The following SCHIP1 variants were observed in gnomAD, a reference collection of about 807,000 sequenced individuals.
SCHIP1 encodes the protein schwannomin-interacting protein 1.
Under a neutral mutation model 29.7 loss-of-function variants are expected in SCHIP1, and 8 were observed. The ratio of observed to expected loss-of-function variants is 0.27; its 90% CI spans 0.16 to 0.49. The LOEUF is 0.49. Ranked by LOEUF, SCHIP1 falls within the 20% of genes least tolerant of loss-of-function variation. The probability of loss-of-function intolerance (pLI) is 0.99; values close to 1 mark genes in which losing one functional copy is unlikely to be tolerated. For missense variants in SCHIP1, 193 were observed against 294.6 expected (o/e 0.66, Z 2.52); for synonymous variants, 76 against 94.9 (o/e 0.80, Z 1.16).
intron 2 of SCHIP1, among the ~76,000 whole-genome samples, chr3:159,878,702 C>T (rs1347555537): frequency 3.4e-5 from 5 of 148,174 alleles, no homozygotes; most frequent in South Asian, 4.2e-4. Flanking sequence ...GGCATGAACC[C>T]GGGAGGCGGA....
At chr3:159,341,874 G>T in the SCHIP1 span, among the ~76,000 whole-genome samples, 1 of 152,048 alleles carries the variant, frequency 6.6e-6, no homozygotes, top group Non-Finnish European at 1.5e-5. Context: ...ACCTAAAAAT[G>T]ACATTTTGAT....
chr3:159,652,660 AG>A, the SCHIP1 span, among the ~76,000 whole-genome samples: 1 of 152,140 alleles, frequency 6.6e-6, no homozygotes, highest in East Asian at 1.9e-4. Context: ...ATGGGTGGGG[AG>A]GGGTGTGCAA....
chr3:159,284,074 C>T, the SCHIP1 span, among the ~76,000 whole-genome samples: 1 of 152,116 alleles, frequency 6.6e-6, no homozygotes, highest in Non-Finnish European at 1.5e-5. Context: ...AAATGAAAAG[C>T]TTCCTAGATT....
the SCHIP1 span, among the ~76,000 whole-genome samples, chr3:159,701,462 A>G: frequency 6.6e-6 from 1 of 152,162 alleles, no homozygotes; most frequent in Non-Finnish European, 1.5e-5. Flanking sequence ...TTTAACTGCT[A>G]ATTTGATATT....
chr3:159,767,274 G>T, the SCHIP1 span, among the ~76,000 whole-genome samples: 321 of 152,308 alleles, frequency 2.1e-3, no homozygotes, highest in Non-Finnish European at 2.4e-3. Context: ...GTATGATAGT[G>T]TATTGCAGGG....
At chr3:159,746,446 C>T in the SCHIP1 span, among the ~76,000 whole-genome samples, 1 of 152,188 alleles carries the variant, frequency 6.6e-6, no homozygotes, top group Non-Finnish European at 1.5e-5. Flanking sequence ...GTCACCACTA[C>T]TCCTTGATTA....
the SCHIP1 span, among the ~76,000 whole-genome samples, chr3:159,413,549 T>A: frequency 6.6e-6 from 1 of 152,064 alleles, no homozygotes; most frequent in Non-Finnish European, 1.5e-5. Context: ...TGGGGATGAG[T>A]GGTAAACACA....
the SCHIP1 span, among the ~76,000 whole-genome samples, chr3:159,657,364 C>T: frequency 6.6e-6 from 1 of 152,144 alleles, no homozygotes; most frequent in Admixed American, 6.5e-5. Context: ...TTTACTTTAG[C>T]CTTTATATAA....
At chr3:159,394,640 C>G in the SCHIP1 span, among the ~76,000 whole-genome samples, 2 of 151,864 alleles carry the variant, frequency 1.3e-5, no homozygotes, top group Non-Finnish European at 2.9e-5. Flanking sequence ...TATATTGAAC[C>G]AGCCTTGCAT....
At chr3:159,832,860 A>C in the SCHIP1 span, among the ~76,000 whole-genome samples, 1 of 152,178 alleles carries the variant, frequency 6.6e-6, no homozygotes. Context: ...GTGGTGTGAA[A>C]ATATTAAGCT....
At chr3:159,417,415 ATGG>A in the SCHIP1 span, among the ~76,000 whole-genome samples, 1 of 152,224 alleles carries the variant, frequency 6.6e-6, no homozygotes, top group African/African-American at 2.4e-5. Flanking sequence ...ATCTTTATCC[ATGG>A]TAAGCATACG....
chr3:159,373,113 A>G, the SCHIP1 span, among the ~76,000 whole-genome samples: 1 of 151,982 alleles, frequency 6.6e-6, no homozygotes, highest in South Asian at 2.1e-4. Context: ...CCACAGAAAC[A>G]TACCTTATTT....
the SCHIP1 span, among the ~76,000 whole-genome samples, chr3:159,384,199 G>A: frequency 2.5e-3 from 379 of 150,878 alleles, 1 homozygote; most frequent in Non-Finnish European, 4.2e-3. Context: ...TTTTCAAAGG[G>A]AATGCTTCCA....
At chr3:159,825,009 T>G in the SCHIP1 span, among the ~76,000 whole-genome samples, 7 of 152,246 alleles carry the variant, frequency 4.6e-5, no homozygotes, top group Non-Finnish European at 1.0e-4. Flanking sequence ...TTGCCTTCTA[T>G]TCTCTGATTA....
chr3:159,307,944 G>T, the SCHIP1 span, among the ~76,000 whole-genome samples: 1 of 151,962 alleles, frequency 6.6e-6, no homozygotes, highest in Non-Finnish European at 1.5e-5. Context: ...GTCTGTTTTT[G>T]TACCAGTACC....
the SCHIP1 span, among the ~76,000 whole-genome samples, chr3:159,735,910 G>A: frequency 2.6e-5 from 4 of 152,046 alleles, no homozygotes; most frequent in African/African-American, 9.7e-5. Context: ...TGAAACTCTG[G>A]GCTAGTTCCT....
the SCHIP1 span, among the ~76,000 whole-genome samples, chr3:159,653,652 C>T: frequency 1.3e-5 from 2 of 151,432 alleles, no homozygotes; most frequent in African/African-American, 2.4e-5. Context: ...GGCTTAAAAC[C>T]TAGATGACAG....
At chr3:159,670,550 A>G in the SCHIP1 span, among the ~76,000 whole-genome samples, 2 of 152,312 alleles carry the variant, frequency 1.3e-5, no homozygotes, top group East Asian at 1.9e-4. Context: ...CCATTCTAAT[A>G]CACACTTTTC....
At chr3:159,654,514 T>C in the SCHIP1 span, among the ~76,000 whole-genome samples, 2 of 152,108 alleles carry the variant, frequency 1.3e-5, no homozygotes, top group African/African-American at 4.8e-5. Flanking sequence ...CCCACTTATA[T>C]ATATTATCAG....
Sources: allele counts gnomAD v4.1 joint callset (sites outside exome capture counted in the v4.1 genomes callset), GRCh38; gene constraint gnomAD v4.1.1; transcripts MANE v1.5; gene names NCBI Gene and HGNC (gene_info 2026-07-23, HGNC 2026-07-21).